Variants in STON2 observed in about 807,000 individuals in gnomAD.
STON2 encodes stonin 2, also known as stonin-2.
In STON2, 29 loss-of-function variants were observed where a neutral mutation model predicts 65.7. The ratio of observed to expected loss-of-function variants is 0.44; its 90% CI spans 0.33 to 0.60. STON2 has a LOEUF of 0.60. Ranked by LOEUF, STON2 falls within the 20% of genes least tolerant of loss-of-function variation. The pLI is 0.03. For missense variants in STON2, 1,054 were observed against 1,118.1 expected (o/e 0.94, Z 0.82); for synonymous variants, 404 against 414.2 (o/e 0.98, Z 0.30).
At chr14:81,306,037 CTTGA>C (rs1281202582) in intron 5 of STON2, among the ~76,000 whole-genome samples, 1 of 151,680 alleles carries the variant, frequency 6.6e-6, no homozygotes, top group Non-Finnish European at 1.5e-5. Flanking sequence ...GGCCTTTCTG[CTTGA>C]TTATTTAACT....
intron 4 of STON2, among the ~76,000 whole-genome samples, chr14:81,327,819 C>T (rs937698471): frequency 1.3e-5 from 2 of 152,180 alleles, no homozygotes; most frequent in East Asian, 1.9e-4. Context: ...TAAATAATTA[C>T]TCAGATTTCT....
intron 4 of STON2, among the ~76,000 whole-genome samples, chr14:81,330,605 T>A (rs1897175931): frequency 6.6e-6 from 1 of 152,218 alleles, no homozygotes; most frequent in Non-Finnish European, 1.5e-5. Context: ...CACAGCTGAA[T>A]CTTGCCAAAG....
intron 5 of STON2, among the ~76,000 whole-genome samples, chr14:81,285,183 C>T (rs1039764915): frequency 6.6e-6 from 1 of 152,178 alleles, no homozygotes; most frequent in African/African-American, 2.4e-5. Context: ...TTAAGAAATA[C>T]ATTTTGTAAG....
intron 5 of STON2, among the ~76,000 whole-genome samples, chr14:81,314,213 T>C (rs1487000096): frequency 6.6e-6 from 1 of 152,272 alleles, no homozygotes; most frequent in Admixed American, 6.5e-5. Context: ...GGCCACTTCC[T>C]GGTAGGACCA....
upstream of STON2, among the ~76,000 whole-genome samples, chr14:81,401,065 CGCCCAACGTT>C: frequency 6.6e-6 from 1 of 152,290 alleles, no homozygotes; most frequent in East Asian, 1.9e-4. Context: ...TTAAATGACT[CGCCCAACGTT>C]GCGTAACTTG....
At position 81,277,582 on chromosome 14, in the gene STON2, C is replaced by T. The variant is rs1407597782; in HGVS notation, c.1900G>A (p.Asp634Asn). The T allele has an allele frequency of 6.2e-7, 1 of 1,614,216 alleles. No homozygotes were observed. The highest frequency in any genetic ancestry group is 8.5e-7 in the Non-Finnish European group (1 of 1,180,042). Residue 634 changes from aspartate (D) to asparagine (N), a missense_variant, in exon 6 of 8, where the codon GAT becomes AAT. Physicochemically the swap from Asp to Asn is conservative, Grantham distance 23. Transcript: ENST00000614646. ...LEEEITVDVRDEFSGIVSKGD... is the reference protein window; with the variant it reads ...LEEEITVDVRNEFSGIVSKGD... ...TTGCTCACAATGCCAGAGAATTCAT[C>T]TCTGACATCCACTGTAATCTCCTCT...
At chr14:81,379,950 C>G (rs1435606184) in intron 3 of STON2, among the ~76,000 whole-genome samples, 1 of 152,078 alleles carries the variant, frequency 6.6e-6, no homozygotes, top group African/African-American at 2.4e-5. Context: ...AACTTCATGA[C>G]AAAGATTCCA....
At chr14:81,298,273 G>C (rs1895838573) in intron 5 of STON2, among the ~76,000 whole-genome samples, 1 of 152,042 alleles carries the variant, frequency 6.6e-6, no homozygotes, top group Admixed American at 6.5e-5. Context: ...ATGACTTCCT[G>C]TTCCACAAAA....
At chr14:81,423,242 G>T (rs570980657) in intron 2 of STON2, among the ~76,000 whole-genome samples, 2 of 152,124 alleles carry the variant, frequency 1.3e-5, no homozygotes, top group South Asian at 4.1e-4. Flanking sequence ...AGACTTGAAG[G>T]CCTCTCCTTG....
At position 81,277,595 on chromosome 14, in the gene STON2, T is replaced by C; in HGVS notation, c.1887A>G (p.Thr629=). The C allele has an allele frequency of 1.9e-6, 3 of 1,614,192 alleles. No individual in the cohort carries two copies. Among genetic ancestry groups the C allele is most frequent in the South Asian group, 1.1e-5 (1 of 91,090 alleles). The change falls in exon 6 of 8, where the codon ACA becomes ACG. Residue 629 remains threonine (T), a synonymous_variant. Coordinates refer to ENST00000614646, the MANE Select transcript of STON2 (RefSeq NM_001394390.1). ...CAGAGAATTCATCTCTGACATCCAC[T>C]GTAATCTCCTCTTCAAGGTAGTTGA... ...VGLNYLEEEI[T]VDVRDEFSGI... is the part of the protein sequence containing the mutation.
At chr14:81,290,679 A>C (rs11849479) in intron 5 of STON2, among the ~76,000 whole-genome samples, 1,940 of 152,290 alleles carry the variant, frequency 0.013, 38 homozygotes, top group African/African-American at 0.045. Flanking sequence ...TGTATTACCC[A>C]AAACTCATGT....
At chr14:81,336,533 GTACATGA>G (rs1459036354) in intron 4 of STON2, among the ~76,000 whole-genome samples, 2 of 152,056 alleles carry the variant, frequency 1.3e-5, no homozygotes, top group Admixed American at 6.6e-5. Context: ...GCAATGTAAA[GTACATGA>G]CCTGCATGGA....
chr14:81,329,156 C>T (rs991445033), intron 4 of STON2, among the ~76,000 whole-genome samples: 3 of 152,128 alleles, frequency 2.0e-5, no homozygotes, highest in Admixed American at 1.3e-4. Flanking sequence ...TCACTGGTGT[C>T]GTTATAAGAA....
chr14:81,273,748 GTGCTGACC>G (rs1595272507), intron 6 of STON2, among the ~76,000 whole-genome samples: 1 of 152,208 alleles, frequency 6.6e-6, no homozygotes. Context: ...CAACACAAGG[GTGCTGACC>G]TGCTGACCTG....
At chr14:81,383,379 C>A (rs144307504) in intron 3 of STON2, among the ~76,000 whole-genome samples, 3 of 152,316 alleles carry the variant, frequency 2.0e-5, no homozygotes, top group African/African-American at 7.2e-5. Context: ...GAGTACTCAA[C>A]ATGGGTTAGG....
chr14:81,274,229 T>C (rs745822415), intron 6 of STON2, among the ~76,000 whole-genome samples: 21 of 152,176 alleles, frequency 1.4e-4, no homozygotes, highest in African/African-American at 2.2e-4. Context: ...GGTTTCACTA[T>C]TGAAAATATT....
At chr14:81,404,764 C>G (rs555590113), upstream of STON2, among the ~76,000 whole-genome samples, 1 of 152,310 alleles carries the variant, frequency 6.6e-6, no homozygotes, top group Admixed American at 6.5e-5. Flanking sequence ...ACCTCAGTCT[C>G]CCAAAGTGCT....
At chr14:81,396,784 C>T (rs758720706) in intron 2 of STON2, among the ~76,000 whole-genome samples, 5 of 152,100 alleles carry the variant, frequency 3.3e-5, no homozygotes, top group Non-Finnish European at 1.5e-5. Context: ...CCTGGCCGGG[C>T]GCAGTGGCTC....
At chr14:81,422,448 C>A (rs1448594044) in intron 2 of STON2, among the ~76,000 whole-genome samples, 1 of 152,130 alleles carries the variant, frequency 6.6e-6, no homozygotes. Flanking sequence ...GCCAAATAAA[C>A]CTCTTTTCTT....
Sources: gnomAD v4.1 joint callset for allele counts (sites outside exome capture counted in the v4.1 genomes callset) on GRCh38, gnomAD v4.1.1 for gene constraint, MANE v1.5 for transcripts, NCBI Gene and HGNC (gene_info 2026-07-23, HGNC 2026-07-21) for gene names.